SFMBT2: variants seen among roughly 807,000 people sequenced by gnomAD.
SFMBT2 encodes Scm like with four mbt domains 2.
Under a neutral mutation model 110.1 loss-of-function variants are expected in SFMBT2, and 38 were observed. That is an observed-to-expected ratio of 0.35 (90% CI 0.27 to 0.45). The LOEUF (loss-of-function observed/expected upper bound fraction) is 0.45. Ranked by LOEUF, SFMBT2 falls within the 20% of genes least tolerant of loss-of-function variation. The pLI is 1.00. For missense variants in SFMBT2, 1,011 were observed against 1,094.9 expected (o/e 0.92, Z 1.08); for synonymous variants, 425 against 425.4 (o/e 1.00, Z 0.01).
At chr10:7,342,373 T>A (rs2131986524) in intron 4 of SFMBT2, among the ~76,000 whole-genome samples, 1 of 150,164 alleles carries the variant, frequency 6.7e-6, no homozygotes, top group East Asian at 2.0e-4. Context: ...CCTACAGAAT[T>A]TAGGAATTGC....
intron 4 of SFMBT2, among the ~76,000 whole-genome samples, chr10:7,332,319 C>T (rs1369497113): frequency 2.0e-5 from 3 of 152,118 alleles, no homozygotes; most frequent in Admixed American, 1.3e-4. Context: ...GAAGACGCTA[C>T]GAATGTGTGT....
At position 7,368,341 on chromosome 10, in the gene SFMBT2, G is replaced by T. The variant is rs1844968203; in HGVS notation, c.196-452C>A. 17 of 985,356 alleles carry T rather than the reference G, an allele frequency of 1.7e-5. No homozygotes were observed. The South Asian group carries it at 7.5e-4, about 44-fold the overall frequency. The allele number at this position is 985,356 out of a possible 1,614,324, so 61.0% of individuals were successfully genotyped here. On this transcript the variant is annotated intron_variant, in intron 3 of 20. Transcript: ENST00000397167. ...CATGAACAACATGGCCCTAGAAAATGGAGTTGTTTTTTAATTAAGGGTGAT... is the reference window on the plus strand; with the variant it reads ...CATGAACAACATGGCCCTAGAAAATTGAGTTGTTTTTTAATTAAGGGTGAT...
chr10:7,292,031 G>A (rs1382544931), intron 4 of SFMBT2, among the ~76,000 whole-genome samples: 6 of 152,138 alleles, frequency 3.9e-5, no homozygotes, highest in Non-Finnish European at 8.8e-5. Context: ...CAGAAACATT[G>A]TAAAATCCCT....
intron 11 of SFMBT2, among the ~76,000 whole-genome samples, chr10:7,210,676 G>A (rs1490897686): frequency 2.6e-5 from 4 of 152,382 alleles, no homozygotes; most frequent in Non-Finnish European, 5.9e-5. Context: ...AAGCCGGTGT[G>A]AGTGCCCGCA....
At chr10:7,243,512 A>G in intron 9 of SFMBT2, 46 bp downstream of exon 9, 1 of 865,770 alleles carries the variant, frequency 1.2e-6, no homozygotes, top group Non-Finnish European at 2.0e-6. Flanking sequence ...ACAGTAAGAC[A>G]CCCTCCTGAA....
intron 2 of SFMBT2, among the ~76,000 whole-genome samples, chr10:7,371,513 T>G (rs577829603): frequency 6.6e-6 from 1 of 152,296 alleles, no homozygotes; most frequent in African/African-American, 2.4e-5. Flanking sequence ...AGGCTACATA[T>G]ACGATAAAAC....
rs144529517 is a variant in SFMBT2, at chr10:7,369,631, T to C, written c.195+650A>G. On this transcript the variant is annotated intron_variant, in intron 3 of 20. Coordinates refer to ENST00000397167, the MANE Select transcript of SFMBT2 (RefSeq NM_001387889.1). ...CTAATCTGACTCATCTGCCAATAAA[T>C]GGCTGGAAATCTTTTATGAGCTTTT... Among the ~76,000 whole-genome samples the C allele has an allele frequency of 9.1e-3, 1,391 of 152,344 alleles. 12 individuals carry two copies. The highest frequency in any genetic ancestry group is 0.016 in the Non-Finnish European group (1,094 of 68,036).
chr10:7,278,434 G>C (rs955387252), intron 6 of SFMBT2, among the ~76,000 whole-genome samples: 1 of 152,160 alleles, frequency 6.6e-6, no homozygotes, highest in Non-Finnish European at 1.5e-5. Context: ...CCAAACCACG[G>C]AGAGACAGAA....
Position 7,202,431 on chromosome 10 carries a change from T to A in SFMBT2, c.1487+49A>T, listed in dbSNP as rs1248368850. The A allele has an allele frequency of 1.9e-6, 3 of 1,612,184 alleles. No homozygotes were observed. The South Asian group carries it at 3.3e-5, about 18-fold the overall frequency. ...TGCTTCCCATCCTCCATAAAGACAC[T>A]ACAGTTTATCGGTATACAGTGTAGT... On this transcript the variant is annotated intron_variant, in intron 13 of 20. Coordinates refer to ENST00000397167, the MANE Select transcript of SFMBT2 (RefSeq NM_001387889.1).
chr10:7,164,034 G>A (rs1053938185), intron 20 of SFMBT2, 124 bp from the exon 21 acceptor site: 5 of 1,401,092 alleles, frequency 3.6e-6, no homozygotes, highest in Non-Finnish European at 3.7e-6. Flanking sequence ...ATTCAATTCA[G>A]GGGATTGTTG....
At position 7,172,205 on chromosome 10, in the gene SFMBT2, T is replaced by C; in HGVS notation, c.2152-47A>G. ...TTAAGGGGCTGGTGGCCCGGGGGCC[T>C]GTAGCGGTGGCCCCGCGGTCAGACC... is the stretch of plus-strand genomic sequence containing the variant. On this transcript the variant is annotated intron_variant, in intron 18 of 20. Coordinates refer to ENST00000397167, the MANE Select transcript of SFMBT2 (RefSeq NM_001387889.1). The surrounding 1 kb of genome is among the most constrained non-coding windows in gnomAD (Gnocchi z 4.6). 2 of 1,513,438 alleles carry C rather than the reference T, an allele frequency of 1.3e-6. No individual in the cohort carries two copies. Among genetic ancestry groups the C allele is most frequent in the Non-Finnish European group, 1.8e-6 (2 of 1,131,388 alleles). The allele number at this position is 1,513,438 out of a possible 1,614,324, so 93.8% of individuals were successfully genotyped here. A position where few individuals can be genotyped will look rare whatever the true frequency, so the allele number is the denominator to read the frequency against.
chr10:7,222,733 G>C (rs762151651), intron 10 of SFMBT2, among the ~76,000 whole-genome samples: 1 of 151,602 alleles, frequency 6.6e-6, no homozygotes, highest in Non-Finnish European at 1.5e-5. Context: ...ATAGTGGCAT[G>C]ATCTCAGCTC....
chr10:7,248,082 T>A (rs117997185), intron 8 of SFMBT2, among the ~76,000 whole-genome samples: 1 of 152,214 alleles, frequency 6.6e-6, no homozygotes, highest in African/African-American at 2.4e-5. Context: ...GGTAATTTTA[T>A]TGTGAATCTG....
At chr10:7,228,331 G>A in intron 9 of SFMBT2, 8 of 774,306 alleles carry the variant, frequency 1.0e-5, no homozygotes, top group South Asian at 6.1e-5. Flanking sequence ...CTTACTTTTC[G>A]GTGTCTTTAT....
rs1376093124 is a variant in SFMBT2 at position 7,172,139 on chromosome 10, G to A, written c.2171C>T (p.Ala724Val). 2 of 1,564,286 alleles carry A rather than the reference G, an allele frequency of 1.3e-6. No individual in the cohort carries two copies. Among genetic ancestry groups the A allele is most frequent in the Non-Finnish European group, 1.7e-6 (2 of 1,153,830 alleles). ...GGCGGTGTCATCGTCCATGGCGTCA[G>A]CGTCCTCCTCTTCACTTTCCTGGGA... ...GSGEESEEED[A>V]DAMDDDTASE... The change falls in exon 19 of 21, where the codon GCT becomes GTT. Residue 724 changes from alanine (A) to valine (V), a missense_variant. By Grantham distance (64) the Ala-to-Val change is moderately conservative. This residue lies in a region of SFMBT2 where 979 missense variants were observed against 1,016.1 expected (regional missense o/e 0.96). Transcript: ENST00000397167. The surrounding 1 kb of genome is among the most constrained non-coding windows in gnomAD (Gnocchi z 4.6).
In SFMBT2 at chr10:7,293,727, CCT is replaced by C. The variant is rs143997578; in HGVS notation, c.437-7775_437-7774del. ...CTCTTTCTCTCTCTCTCTTTCTCTC[CCT>C]CTCTCTCTCTCTCATCCAAGGCAGG... On this transcript the variant is annotated intron_variant, in intron 4 of 20. Coordinates refer to ENST00000397167, the MANE Select transcript of SFMBT2 (RefSeq NM_001387889.1). The surrounding 1 kb of genome is among the most constrained non-coding windows in gnomAD (Gnocchi z 4.6). Among the ~76,000 whole-genome samples, 10 of 149,690 alleles carry C rather than the reference CCT, an allele frequency of 6.7e-5. No individual in the cohort carries two copies. The highest frequency in any genetic ancestry group is 1.9e-4 in the East Asian group (1 of 5,136).
At position 7,367,524 on chromosome 10, in the gene SFMBT2, A is replaced by C; in HGVS notation, c.436+125T>G. 2 of 1,435,456 alleles carry C rather than the reference A, an allele frequency of 1.4e-6. No homozygotes were observed. The highest frequency in any genetic ancestry group is 1.8e-6 in the Non-Finnish European group (2 of 1,086,480). 88.9% of individuals were successfully genotyped at this position (1,435,456 alleles called of 1,614,324 possible). On this transcript the variant is annotated intron_variant, in intron 4 of 20. Transcript: ENST00000397167. The surrounding 1 kb of genome is among the most constrained non-coding windows in gnomAD (Gnocchi z 6.2). The stretch of plus-strand genomic sequence containing the variant: ...AAACCTGAGAAACCACTCTGAAAGA[A>C]CTGTGAGACCTTTGCACTAAGACCA...
intron 9 of SFMBT2, among the ~76,000 whole-genome samples, chr10:7,238,307 G>A (rs1231505546): frequency 6.6e-6 from 1 of 152,198 alleles, no homozygotes; most frequent in African/African-American, 2.4e-5. Context: ...TATGGGGCAT[G>A]AGAAACAGAG....
intron 1 of SFMBT2, chr10:7,409,367 CAAAA>C (rs1350384872): frequency 6.6e-6 from 1 of 151,708 alleles, no homozygotes. Flanking sequence ...CCTAGAAAGA[CAAAA>C]TAAATCACTC....
Sources: allele counts gnomAD v4.1 joint callset (sites outside exome capture counted in the v4.1 genomes callset), GRCh38; gene constraint gnomAD v4.1.1; regional missense constraint gnomAD v4.1.1; non-coding constraint Gnocchi (gnomAD v3.1); transcripts MANE v1.5; gene names NCBI Gene and HGNC (gene_info 2026-07-23, HGNC 2026-07-21).